The following NUDT16L1 variants were observed in gnomAD, a reference collection of about 807,000 sequenced individuals.
The protein encoded by NUDT16L1 is tudor-interacting repair regulator protein.
Under a neutral mutation model 17.3 loss-of-function variants are expected in NUDT16L1, and 19 were observed. The ratio of observed to expected loss-of-function variants is 1.10; its 90% confidence interval spans 0.77 to 1.61. The LOEUF (loss-of-function observed/expected upper bound fraction) is 1.61, where lower values mean the gene tolerates loss of function less well. Ranked by LOEUF, NUDT16L1 falls within the 40% of genes most tolerant of loss-of-function variation. The pLI is 0.00. For missense variants in NUDT16L1, 341 were observed against 292.0 expected (o/e 1.17, Z -1.22); for synonymous variants, 255 against 138.6 (o/e 1.84, Z -5.90).
At chr16:4,695,120 G>A (rs757458115) in exon 3 of NUDT16L1, 16 of 1,612,970 alleles carry the variant, frequency 9.9e-6, no homozygotes, top group Non-Finnish European at 1.4e-5. Flanking sequence ...TGAGGCCCTG[G>A]CTGCAGCCAC....
intron 2 of NUDT16L1, 54 bp downstream of exon 2, chr16:4,694,292 G>A (rs1465610220): frequency 6.1e-6 from 9 of 1,477,290 alleles, no homozygotes; most frequent in Middle Eastern, 1.7e-4. Flanking sequence ...CTCTGGCCCC[G>A]TGGAAGGCAC....
chr16:4,693,699 C>T (rs1418303888), exon 1 of NUDT16L1: 7 of 1,483,828 alleles, frequency 4.7e-6, no homozygotes, highest in Non-Finnish European at 6.3e-6. Flanking sequence ...TCTTAAGTGG[C>T]AGCGGCGGGG....
At position 4,693,964 on chromosome 16, in the gene NUDT16L1, G is replaced by A. The variant is rs764085745; in HGVS notation, c.154-14G>A. The A allele has an allele frequency of 7.8e-6, 12 of 1,547,762 alleles. No homozygotes were observed. The highest frequency in any genetic ancestry group is 2.6e-6 in the Non-Finnish European group (3 of 1,155,722). ...TCCGTCGACCCCGCGGCTGTGACCC[G>A]CGCTCCCTTGCAGATGCAGATGCGT... On this transcript the variant is annotated splice_polypyrimidine_tract_variant and intron_variant, in intron 1 of 2. Transcript: ENST00000304301.
At chr16:4,694,001 G>A in exon 2 of NUDT16L1, 2 of 1,583,114 alleles carry the variant, frequency 1.3e-6, no homozygotes, top group Non-Finnish European at 1.7e-6. Flanking sequence ...TCGACGGGCT[G>A]CTGGGCTTCC....
chr16:4,693,917 C>T (rs777666231), intron 1 of NUDT16L1, 38 bp downstream of exon 1: 23 of 1,466,772 alleles, frequency 1.6e-5, no homozygotes, highest in Non-Finnish European at 2.1e-5. Context: ...GGTGCCGGCG[C>T]GGGCGGGCCC....
intron 2 of NUDT16L1, chr16:4,694,735 G>A (rs551717181): frequency 1.3e-5 from 19 of 1,426,814 alleles, no homozygotes; most frequent in African/African-American, 2.9e-5. Flanking sequence ...GGGTACGAGG[G>A]GGGGGAGTGC....
Position 4,693,889 on chromosome 16 carries a change from G to T in NUDT16L1, c.153+10G>T. The T allele has an allele frequency of 6.7e-7, 1 of 1,503,144 alleles. No individual in the cohort carries two copies. The allele number at this position is 1,503,144 out of a possible 1,614,324, so 93.1% of individuals were successfully genotyped here. A position where few individuals can be genotyped will look rare whatever the true frequency, so the allele number is the denominator to read the frequency against. On this transcript the variant is annotated intron_variant, in intron 1 of 2. Coordinates refer to ENST00000304301, the Ensembl canonical transcript of NUDT16L1. ...GCGCTTCTCGGTGCTGGTGAGGACG[G>T]GCGAGGGCGCGGGCGAGGGTGCCGG...
intron 2 of NUDT16L1, 108 bp from the exon 3 acceptor site, chr16:4,694,850 G>C: frequency 6.8e-7 from 1 of 1,477,182 alleles, no homozygotes; most frequent in African/African-American, 1.4e-5. Flanking sequence ...TTAAGTCCTT[G>C]GCAAAGCTGG....
At chr16:4,695,767 A>ACAGT (rs1400307685) in exon 3 of NUDT16L1, 1 of 397,774 alleles carries the variant, frequency 2.5e-6, no homozygotes, top group Admixed American at 4.4e-5. Flanking sequence ...GTTCCCAGGG[A>ACAGT]CAGTCAGGGC....
intron 2 of NUDT16L1, 181 bp from the exon 3 acceptor site, chr16:4,694,777 G>T (rs548011687): frequency 1.4e-6 from 2 of 1,431,900 alleles, no homozygotes; most frequent in East Asian, 2.5e-5. Context: ...GCTTGGGGAG[G>T]AGGGGGCTGC....
At chr16:4,694,042 CGCT>C in exon 2 of NUDT16L1, 1 of 1,584,202 alleles carries the variant, frequency 6.3e-7, no homozygotes, top group Non-Finnish European at 8.5e-7. Context: ...CGCTTCTGGT[CGCT>C]GGAGGACGGC....
At chr16:4,695,514 T>G in exon 3 of NUDT16L1, 1 of 544,680 alleles carries the variant, frequency 1.8e-6, no homozygotes, top group Non-Finnish European at 3.3e-6. Flanking sequence ...CCCACAGGGG[T>G]GGCGCACAGC....
rs559019108 is a variant in NUDT16L1, at chr16:4,695,299, C to G, written c.*120C>G. On this transcript the variant is annotated 3_prime_UTR_variant, in exon 3 of 3. Transcript: ENST00000304301. ...TGACTGCCTAGGGCGAGTGGGCATC[C>G]TGTCATCATCTCCACTGTCCCAAGC... 5.7e-5 allele frequency: 55 copies of G among 968,008 alleles called. No individual in the cohort carries two copies. In the African/African-American group the frequency reaches 8.0e-4, roughly 14 times the overall value. The allele number at this position is 968,008 out of a possible 1,614,324, so 60.0% of individuals were successfully genotyped here. A position where few individuals can be genotyped will look rare whatever the true frequency, so the allele number is the denominator to read the frequency against.
chr16:4,694,776 GGAGGGGGCTGCACTGCTCC>G lies in NUDT16L1; in HGVS notation c.415-176_415-158del, dbSNP rs1204312245. 2.1e-5 allele frequency: 30 copies of G among 1,432,138 alleles called. 1 individual carries two copies. Among genetic ancestry groups the G allele is most frequent in the South Asian group, 1.8e-4 (12 of 66,600 alleles). The allele number at this position is 1,432,138 out of a possible 1,614,324, so 88.7% of individuals were successfully genotyped here. ...GTCAGCCTCCACACTTGCTTGGGGA[GGAGGGGGCTGCACTGCTCC>G]GAGGGAGCTGGCTGGCTTCTGCCAG... On this transcript the variant is annotated intron_variant, in intron 2 of 2. Transcript: ENST00000304301.
exon 3 of NUDT16L1, chr16:4,695,358 C>G: frequency 1.6e-6 from 1 of 641,040 alleles, no homozygotes; most frequent in East Asian, 2.7e-5. Flanking sequence ...AGCTGGAACC[C>G]AGCCCATCCT....
At chr16:4,693,704 G>A (rs2079474661) in exon 1 of NUDT16L1, 1 of 1,482,490 alleles carries the variant, frequency 6.7e-7, no homozygotes, top group Non-Finnish European at 9.0e-7. Flanking sequence ...AGTGGCAGCG[G>A]CGGGGACGGG....
chr16:4,694,537 G>C, intron 2 of NUDT16L1: 1 of 1,468,094 alleles, frequency 6.8e-7, no homozygotes, highest in Non-Finnish European at 9.0e-7. Flanking sequence ...TGGGGGAGGA[G>C]CGGGGATTGC....
At chr16:4,693,747 G>A (rs755438263) in exon 1 of NUDT16L1, 13 of 1,547,854 alleles carry the variant, frequency 8.4e-6, no homozygotes, top group South Asian at 3.6e-5. Context: ...CGGCGGTTCC[G>A]GAGCTGAAGC....
exon 2 of NUDT16L1, chr16:4,694,077 G>A: frequency 6.3e-7 from 1 of 1,591,536 alleles, no homozygotes; most frequent in South Asian, 1.1e-5. Context: ...GCTGGGCCTG[G>A]GCCTGGGCTG....
Sources: allele counts gnomAD v4.1 joint callset, GRCh38; gene constraint gnomAD v4.1.1; transcripts MANE v1.5; gene names NCBI Gene and HGNC (gene_info 2026-07-23, HGNC 2026-07-21).